The following DIP2C variants were observed in gnomAD, a reference collection of about 807,000 sequenced individuals.
DIP2C encodes disco-interacting protein 2 homolog C.
In DIP2C, 33 loss-of-function variants were observed where a neutral mutation model predicts 192.4. The observed-to-expected ratio is 0.17, with a 90% confidence interval of 0.13 to 0.23. The LOEUF (loss-of-function observed/expected upper bound fraction) is 0.23. Ranked by LOEUF, DIP2C falls within the 10% of genes least tolerant of loss-of-function variation. DIP2C has a pLI of 1.00. For synonymous variants in DIP2C, 979 were observed against 864.1 expected (o/e 1.13, Z -2.33); for missense variants, 1,537 against 2,110.1 (o/e 0.73, Z 5.32).
Position 363,731 on chromosome 10 carries a change from A to G in DIP2C, c.2478-420T>C, listed in dbSNP as rs890112426. Among the ~76,000 whole-genome samples, 8 of 152,192 alleles carry G rather than the reference A, an allele frequency of 5.3e-5. No homozygotes were observed. The highest frequency in any genetic ancestry group is 1.2e-4 in the Non-Finnish European group (8 of 68,024). On this transcript the variant is annotated intron_variant, in intron 20 of 36. Transcript: ENST00000280886. The surrounding 1 kb of genome is among the most constrained non-coding windows in gnomAD (Gnocchi z 5.4). ...GAACTAGTGATTTTCTGCTAAGTGT[A>G]TGTGCCTTATACTGTCAGCACAGCA... is the stretch of plus-strand genomic sequence containing the variant.
At chr10:389,465 T>C (rs1351900195) in intron 13 of DIP2C, among the ~76,000 whole-genome samples, 1 of 152,140 alleles carries the variant, frequency 6.6e-6, no homozygotes, top group Non-Finnish European at 1.5e-5. Context: ...CGAGCACCAA[T>C]GCAGAGACTC....
intron 32 of DIP2C, among the ~76,000 whole-genome samples, chr10:298,655 G>A (rs562896532): frequency 3.3e-5 from 5 of 152,354 alleles, no homozygotes; most frequent in African/African-American, 9.6e-5. Flanking sequence ...TCTAATGACC[G>A]TGGGGCTGCA....
At chr10:565,785 A>G (rs1339818083) in intron 1 of DIP2C, among the ~76,000 whole-genome samples, 1 of 152,252 alleles carries the variant, frequency 6.6e-6, no homozygotes. Context: ...AAGGAGACTA[A>G]AGCAGGAGTT....
rs192000214 is a variant in DIP2C, at chr10:534,693, G to A, written c.86-48163C>T. ...ATTATTTTTTTTTTTTTTTTGAGAC[G>A]GAGTCTCGCTCTGTCGCCCAGGCCG... On this transcript the variant is annotated intron_variant, in intron 1 of 36. Transcript: ENST00000280886. Among the ~76,000 whole-genome samples, 33 of 144,712 alleles carry A rather than the reference G, an allele frequency of 2.3e-4. No homozygotes were observed. In the East Asian group the frequency reaches 4.8e-3, roughly 21 times the overall value. 94.9% of individuals were successfully genotyped at this position (144,712 alleles called of 152,430 possible).
At chr10:452,900 G>A (rs1020595357) in intron 3 of DIP2C, among the ~76,000 whole-genome samples, 12 of 152,346 alleles carry the variant, frequency 7.9e-5, no homozygotes, top group South Asian at 4.1e-4. Flanking sequence ...GAGAGCCAAC[G>A]CCAGCGGATC....
intron 3 of DIP2C, among the ~76,000 whole-genome samples, chr10:447,320 C>T (rs1356185377): frequency 4.0e-5 from 6 of 149,380 alleles, no homozygotes; most frequent in Non-Finnish European, 8.9e-5. Flanking sequence ...CCCACTCACC[C>T]CTGTCGATAT....
At chr10:485,143 T>TA (rs1843918889) in intron 2 of DIP2C, among the ~76,000 whole-genome samples, 1 of 152,220 alleles carries the variant, frequency 6.6e-6, no homozygotes, top group Admixed American at 6.5e-5. Flanking sequence ...AGAACCGTCC[T>TA]GGCAAGCGAG....
chr10:601,927 T>C (rs961833549), intron 1 of DIP2C, among the ~76,000 whole-genome samples: 43 of 152,310 alleles, frequency 2.8e-4, no homozygotes, highest in Admixed American at 7.8e-4. Context: ...CGTTTTGTTC[T>C]GATTGATCAG....
At chr10:376,574 T>TA (rs1554835695) in intron 17 of DIP2C, among the ~76,000 whole-genome samples, 3 of 149,420 alleles carry the variant, frequency 2.0e-5, no homozygotes, top group East Asian at 2.0e-4. Flanking sequence ...TTTTTTTTTT[T>TA]AAACAGGGCA....
intron 1 of DIP2C, among the ~76,000 whole-genome samples, chr10:560,537 T>C (rs1036679096): frequency 2.6e-5 from 4 of 152,210 alleles, no homozygotes; most frequent in Non-Finnish European, 4.4e-5. Flanking sequence ...ATTGTTTTGA[T>C]AGGCCTCTTG....
At chr10:567,099 T>C (rs1358137318) in intron 1 of DIP2C, among the ~76,000 whole-genome samples, 1 of 152,220 alleles carries the variant, frequency 6.6e-6, no homozygotes, top group African/African-American at 2.4e-5. Context: ...GAATCTGGAA[T>C]TACACGTATC....
At chr10:411,215 G>A (rs1286846489) in intron 8 of DIP2C, among the ~76,000 whole-genome samples, 1 of 152,194 alleles carries the variant, frequency 6.6e-6, no homozygotes, top group Admixed American at 6.5e-5. Context: ...AAAGGGAGAT[G>A]AGCATGAGCA....
chr10:487,564 AGTGTT>A (rs1259422230), intron 1 of DIP2C, among the ~76,000 whole-genome samples: 9 of 87,146 alleles, frequency 1.0e-4, no homozygotes, highest in African/African-American at 4.0e-4. Flanking sequence ...CCCATCAATG[AGTGTT>A]TTTTTTTTTT....
chr10:633,700 A>G (rs565409192), intron 1 of DIP2C, among the ~76,000 whole-genome samples: 3 of 152,358 alleles, frequency 2.0e-5, no homozygotes, highest in Non-Finnish European at 4.4e-5. Flanking sequence ...AACAGGCTAG[A>G]TTAAGAAAAC....
chr10:576,094 G>A (rs1414800257), intron 1 of DIP2C, among the ~76,000 whole-genome samples: 1 of 152,184 alleles, frequency 6.6e-6, no homozygotes, highest in Non-Finnish European at 1.5e-5. Flanking sequence ...GAGTTCACAC[G>A]CTCCTGTACG....
chr10:579,283 CAG>C (rs1850409263), intron 1 of DIP2C, among the ~76,000 whole-genome samples: 1 of 151,636 alleles, frequency 6.6e-6, no homozygotes, highest in Admixed American at 6.6e-5. Context: ...TACACACATC[CAG>C]ATTCATGTAG....
At chr10:608,033 A>C (rs149406118) in intron 1 of DIP2C, among the ~76,000 whole-genome samples, 2 of 151,592 alleles carry the variant, frequency 1.3e-5, no homozygotes, top group Non-Finnish European at 2.9e-5. Flanking sequence ...TGACTTCTCC[A>C]CTAGAATATG....
At chr10:679,530 A>G (rs1291380616) in intron 1 of DIP2C, among the ~76,000 whole-genome samples, 7 of 1,454 alleles carry the variant, frequency 4.8e-3, no homozygotes, top group Non-Finnish European at 8.4e-3. Flanking sequence ...CATGCTCCCC[A>G]CGCCCATGCT....
At chr10:483,090 C>T (rs1488506424) in intron 2 of DIP2C, among the ~76,000 whole-genome samples, 3 of 152,246 alleles carry the variant, frequency 2.0e-5, no homozygotes, top group Non-Finnish European at 2.9e-5. Context: ...AGACGCTGCC[C>T]TCCTGAGCAG....
Sources: allele counts gnomAD v4.1 joint callset (sites outside exome capture counted in the v4.1 genomes callset), GRCh38; gene constraint gnomAD v4.1.1; non-coding constraint Gnocchi (gnomAD v3.1); transcripts MANE v1.5; gene names NCBI Gene and HGNC (gene_info 2026-07-23, HGNC 2026-07-21).